The following MGAT5 variants were observed in gnomAD, a reference collection of about 807,000 sequenced individuals.
MGAT5 encodes alpha-1,6-mannosylglycoprotein 6-beta-N-acetylglucosaminyltransferase, also known as alpha-1,6-mannosylglycoprotein 6-beta-N-acetylglucosaminyltransferase A.
A neutral mutation model predicts 94.3 loss-of-function variants in MGAT5; 30 were observed. The observed-to-expected ratio is 0.32, with a 90% CI of 0.24 to 0.43. MGAT5 has a LOEUF of 0.43. MGAT5 is among the 20% of genes least tolerant of loss of function. The pLI is 1.00. For synonymous variants in MGAT5, 310 were observed against 322.9 expected (o/e 0.96, Z 0.43); for missense variants, 691 against 905.5 (o/e 0.76, Z 3.04).
rs766152158 is a variant in MGAT5, at chr2:134,448,772, C to T, written c.2151C>T (p.His717=). The change falls in exon 16 of 16, where the codon CAC becomes CAT. Residue 717 remains histidine (H), a synonymous_variant. Transcript: ENST00000281923. ...DLLLFSCAGA[H]PRHQRVCPCR... ...TGCTCTTCAGCTGTGCAGGCGCCCA[C>T]CCCAGGCACCAGAGGGTCTGCCCCT... The T allele has an allele frequency of 3.1e-6, 5 of 1,614,218 alleles. No individual in the cohort carries two copies. The highest frequency in any genetic ancestry group is 2.2e-5 in the South Asian group (2 of 91,086).
intron 9 of MGAT5, among the ~76,000 whole-genome samples, chr2:134,357,200 T>C (rs1679801651): frequency 6.6e-6 from 1 of 152,246 alleles, no homozygotes; most frequent in Non-Finnish European, 1.5e-5. Context: ...GGAAGGAGAC[T>C]GTTGTACAAA....
chr2:134,320,650 C>T lies in MGAT5; in HGVS notation c.573+1911C>T, dbSNP rs561102635. On this transcript the variant is annotated intron_variant, in intron 4 of 15. Coordinates refer to ENST00000281923, the MANE Select transcript of MGAT5 (RefSeq NM_002410.5). ...TTTGCTGTTGCTGTTGTTATTTGAC[C>T]AATAATAACAGCTGGTGATGCCATG... 5.3e-5 allele frequency among the ~76,000 whole-genome samples: 8 copies of T among 152,194 alleles called. No individual in the cohort carries two copies. The South Asian group carries it at 1.7e-3, about 32-fold the overall frequency.
intron 1 of MGAT5, among the ~76,000 whole-genome samples, chr2:134,259,503 C>T (rs16830277): frequency 0.087 from 13,237 of 152,214 alleles, 652 homozygotes; most frequent in Non-Finnish European, 0.093. Flanking sequence ...TCCATCCACA[C>T]GTTGTTAACC....
At chr2:134,433,766 T>A (rs924798178) in intron 14 of MGAT5, among the ~76,000 whole-genome samples, 1 of 151,990 alleles carries the variant, frequency 6.6e-6, no homozygotes, top group Non-Finnish European at 1.5e-5. Flanking sequence ...AATATGTGCC[T>A]TATCCCTCAA....
chr2:134,310,524 A>C (rs2105867694), intron 2 of MGAT5, among the ~76,000 whole-genome samples: 1 of 152,306 alleles, frequency 6.6e-6, no homozygotes, highest in African/African-American at 2.4e-5. Context: ...CAAAACAAAA[A>C]TGATATATAA....
intron 10 of MGAT5, among the ~76,000 whole-genome samples, chr2:134,388,535 T>G (rs899363387): frequency 6.6e-6 from 1 of 152,188 alleles, no homozygotes; most frequent in Non-Finnish European, 1.5e-5. Flanking sequence ...TTGTCTCGAT[T>G]TTTTCATTTT....
intron 9 of MGAT5, among the ~76,000 whole-genome samples, chr2:134,352,150 T>A (rs550632933): frequency 1.3e-5 from 2 of 152,242 alleles, no homozygotes; most frequent in East Asian, 3.9e-4. Flanking sequence ...TGTCAGGATC[T>A]AGCAAAACCG....
chr2:134,194,916 A>G (rs1679425050), intron 1 of MGAT5, among the ~76,000 whole-genome samples: 1 of 152,162 alleles, frequency 6.6e-6, no homozygotes, highest in Non-Finnish European at 1.5e-5. Context: ...GGAAGCTGAT[A>G]ATGCAGTTGA....
chr2:134,300,692 G>A (rs1685962484), intron 2 of MGAT5, among the ~76,000 whole-genome samples: 1 of 152,130 alleles, frequency 6.6e-6, no homozygotes, highest in South Asian at 2.1e-4. Flanking sequence ...AGCCCACAAT[G>A]AAATGTAATA....
intron 5 of MGAT5, 86 bp downstream of exon 5, chr2:134,336,374 A>G (rs72549461): frequency 0.013 from 14,096 of 1,119,472 alleles, 157 homozygotes; most frequent in South Asian, 0.022. Flanking sequence ...AGAAATGCCA[A>G]CTATAACCTG....
chr2:134,387,033 G>A (rs1383685536), intron 10 of MGAT5, among the ~76,000 whole-genome samples: 3 of 151,872 alleles, frequency 2.0e-5, no homozygotes, highest in Non-Finnish European at 4.4e-5. Flanking sequence ...AGGCCAAGGT[G>A]GGCAGATCAC....
intron 1 of MGAT5, among the ~76,000 whole-genome samples, chr2:134,246,525 C>T (rs537470987): frequency 1.3e-5 from 2 of 152,354 alleles, no homozygotes; most frequent in African/African-American, 4.8e-5. Flanking sequence ...CCACCGTCCC[C>T]GTTCCATCTG....
At chr2:134,183,791 G>A (rs944327971) in intron 1 of MGAT5, among the ~76,000 whole-genome samples, 13 of 152,160 alleles carry the variant, frequency 8.5e-5, no homozygotes, top group African/African-American at 3.1e-4. Context: ...GGGCTGGCTC[G>A]CTCATGTTGA....
intron 1 of MGAT5, among the ~76,000 whole-genome samples, chr2:134,121,926 G>GA (rs901602977): frequency 3.1e-4 from 47 of 152,244 alleles, no homozygotes; most frequent in African/African-American, 5.3e-4. Flanking sequence ...TCTGTACCGA[G>GA]AAAATCACTG....
chr2:134,132,594 C>CT (rs1298555569), intron 1 of MGAT5, among the ~76,000 whole-genome samples: 1 of 152,250 alleles, frequency 6.6e-6, no homozygotes, highest in African/African-American at 2.4e-5. Context: ...TTTATGGCTA[C>CT]TTTCACACTA....
intron 13 of MGAT5, 75 bp from the exon 14 acceptor site, chr2:134,428,290 G>A: frequency 7.2e-7 from 1 of 1,379,696 alleles, no homozygotes; most frequent in Non-Finnish European, 1.0e-6. Flanking sequence ...CGTGTATTGA[G>A]TGAGTCGGAG....
Position 134,428,352 on chromosome 2 carries a change from T to G in MGAT5, c.1795-13T>G. The G allele has an allele frequency of 6.2e-7, 1 of 1,613,106 alleles. No homozygotes were observed. Among genetic ancestry groups the G allele is most frequent in the Non-Finnish European group, 8.5e-7 (1 of 1,179,124 alleles). Reference sequence around the variant, plus strand: ...GTCCTTCTCCTTCATGGTATCATGCTCTGTTTCCACAGATTGAGCCATACA... The same window carrying G: ...GTCCTTCTCCTTCATGGTATCATGCGCTGTTTCCACAGATTGAGCCATACA... On this transcript the variant is annotated splice_polypyrimidine_tract_variant and intron_variant, in intron 13 of 15. Coordinates refer to ENST00000281923, the MANE Select transcript of MGAT5 (RefSeq NM_002410.5).
chr2:134,425,322 G>A (rs1056865493), intron 13 of MGAT5, among the ~76,000 whole-genome samples: 1 of 152,114 alleles, frequency 6.6e-6, no homozygotes, highest in African/African-American at 2.4e-5. Flanking sequence ...TAAACGTTCA[G>A]GGGTTTTTTT....
chr2:134,303,468 A>G (rs1686151266), intron 2 of MGAT5, among the ~76,000 whole-genome samples: 1 of 152,146 alleles, frequency 6.6e-6, no homozygotes, highest in African/African-American at 2.4e-5. Flanking sequence ...CTTGAACTTA[A>G]GAAGACTTGC....
Sources: allele counts gnomAD v4.1 joint callset (sites outside exome capture counted in the v4.1 genomes callset), GRCh38; gene constraint gnomAD v4.1.1; transcripts MANE v1.5; gene names NCBI Gene and HGNC (gene_info 2026-07-23, HGNC 2026-07-21).